Variants in DTWD2 observed in about 807,000 individuals in gnomAD.
The protein encoded by DTWD2 is DTW motif tRNA-uridine aminocarboxypropyltransferase 2.
In DTWD2, 39 loss-of-function variants were observed where a neutral mutation model predicts 31.8. The observed-to-expected ratio is 1.22, with a 90% CI of 0.95 to 1.60. DTWD2 has a LOEUF of 1.60. DTWD2 is among the 40% of genes most tolerant of loss of function. The pLI, the probability that DTWD2 is intolerant of heterozygous loss-of-function variation, is 0.00. For synonymous variants in DTWD2, 180 were observed against 142.8 expected (o/e 1.26, Z -1.86); for missense variants, 515 against 381.5 (o/e 1.35, Z -2.92).
At chr5:118,878,057 T>C (rs1418408800) in intron 4 of DTWD2, among the ~76,000 whole-genome samples, 2 of 151,724 alleles carry the variant, frequency 1.3e-5, no homozygotes, top group African/African-American at 4.8e-5. Flanking sequence ...CACAAACAAA[T>C]GGAAAAACAT....
At chr5:118,979,852 G>A (rs146837789) in intron 1 of DTWD2, among the ~76,000 whole-genome samples, 1 of 152,222 alleles carries the variant, frequency 6.6e-6, no homozygotes, top group Non-Finnish European at 1.5e-5. Flanking sequence ...CTGTCAGGAG[G>A]GCAGGGGGTG....
At chr5:118,944,125 A>G (rs1472204543) in intron 2 of DTWD2, among the ~76,000 whole-genome samples, 1 of 152,230 alleles carries the variant, frequency 6.6e-6, no homozygotes, top group Non-Finnish European at 1.5e-5. Context: ...TCTTCTATTC[A>G]TCTAAAATAA....
intron 4 of DTWD2, among the ~76,000 whole-genome samples, chr5:118,921,179 C>T (rs1467224548): frequency 1.3e-5 from 2 of 152,006 alleles, no homozygotes; most frequent in East Asian, 3.8e-4. Flanking sequence ...ACACAGCACC[C>T]TAAAACAGAA....
intron 1 of DTWD2, among the ~76,000 whole-genome samples, chr5:118,962,867 G>A (rs1754736992): frequency 6.6e-6 from 1 of 152,214 alleles, no homozygotes; most frequent in Non-Finnish European, 1.5e-5. Context: ...GCTAGAGCTT[G>A]GTTCTGTCTG....
chr5:118,866,354 T>A (rs530333644), intron 4 of DTWD2, among the ~76,000 whole-genome samples: 1 of 152,226 alleles, frequency 6.6e-6, no homozygotes, highest in East Asian at 1.9e-4. Flanking sequence ...GACAGCATAC[T>A]AGTGATTACA....
At chr5:118,973,709 C>T (rs1261510080) in intron 1 of DTWD2, 8 of 1,522,334 alleles carry the variant, frequency 5.3e-6, no homozygotes, top group East Asian at 4.6e-5. Context: ...CCTCCGCCGC[C>T]GCGGACTCCG....
At chr5:118,898,832 G>C (rs927980589) in intron 4 of DTWD2, among the ~76,000 whole-genome samples, 9 of 152,180 alleles carry the variant, frequency 5.9e-5, no homozygotes, top group African/African-American at 2.2e-4. Flanking sequence ...TTTAGTTTAA[G>C]AGGAAAAGGT....
intron 4 of DTWD2, among the ~76,000 whole-genome samples, chr5:118,918,830 A>T: frequency 6.8e-6 from 1 of 147,276 alleles, no homozygotes; most frequent in Non-Finnish European, 1.5e-5. Context: ...TCTACCAGGA[A>T]AAAAAAAAAA....
rs115423545 is a variant in DTWD2 at position 118,874,092 on chromosome 5, T to C, written c.598-25874A>G. Among the ~76,000 whole-genome samples the C allele has an allele frequency of 1.1e-3, 170 of 152,318 alleles. 1 individual carries two copies. The highest frequency in any genetic ancestry group is 3.8e-3 in the African/African-American group (160 of 41,564). Reference sequence around the variant, plus strand: ...CAGTCTAAGAGGTGGGAGTTGAGCATTGGCCCTGTAAAAACTCCCAGAAAC... The same window carrying C: ...CAGTCTAAGAGGTGGGAGTTGAGCACTGGCCCTGTAAAAACTCCCAGAAAC... On this transcript the variant is annotated intron_variant, in intron 4 of 5. Coordinates refer to ENST00000510708, the MANE Select transcript of DTWD2 (RefSeq NM_173666.4).
chr5:118,910,062 A>G (rs1167004651), intron 4 of DTWD2, among the ~76,000 whole-genome samples: 1 of 152,130 alleles, frequency 6.6e-6, no homozygotes, highest in Non-Finnish European at 1.5e-5. Context: ...CAATCTCCTT[A>G]TAACATGTGA....
intron 1 of DTWD2, among the ~76,000 whole-genome samples, chr5:118,969,664 C>T (rs1754938854): frequency 6.6e-6 from 1 of 152,036 alleles, no homozygotes; most frequent in Admixed American, 6.5e-5. Context: ...AAAGAAGATC[C>T]CACAAAAACA....
At chr5:118,891,229 G>A (rs1237465110) in intron 4 of DTWD2, among the ~76,000 whole-genome samples, 2 of 151,820 alleles carry the variant, frequency 1.3e-5, no homozygotes, top group African/African-American at 4.8e-5. Flanking sequence ...TATTAGTATG[G>A]CAATGTACTA....
chr5:118,928,914 TCAC>T (rs932394866), intron 3 of DTWD2, among the ~76,000 whole-genome samples, 185 bp from the exon 4 acceptor site: 8 of 152,326 alleles, frequency 5.3e-5, no homozygotes, highest in Middle Eastern at 6.8e-3. Context: ...ACTGATGTAT[TCAC>T]CACAATTCTG....
intron 1 of DTWD2, chr5:118,973,915 T>A (rs1159340804): frequency 1.2e-6 from 2 of 1,603,166 alleles, no homozygotes; most frequent in Non-Finnish European, 1.7e-6. Flanking sequence ...GGAATGCTAA[T>A]GAGGAAAATG....
At chr5:118,972,591 T>C (rs1049812409) in intron 1 of DTWD2, among the ~76,000 whole-genome samples, 45 of 152,084 alleles carry the variant, frequency 3.0e-4, no homozygotes, top group African/African-American at 1.1e-3. Flanking sequence ...TTCCAAACAG[T>C]TGAAAAGAAG....
intron 4 of DTWD2, among the ~76,000 whole-genome samples, chr5:118,888,158 T>C (rs535993417): frequency 5.3e-5 from 8 of 152,334 alleles, no homozygotes; most frequent in African/African-American, 1.9e-4. Context: ...TTGACATATG[T>C]ATATACCTGT....
chr5:118,858,028 C>T (rs930966438), intron 4 of DTWD2, among the ~76,000 whole-genome samples: 1 of 152,164 alleles, frequency 6.6e-6, no homozygotes, highest in African/African-American at 2.4e-5. Context: ...AGTAAACCAA[C>T]CAAGATTAGC....
chr5:118,913,410 G>T (rs1289188294), intron 4 of DTWD2, among the ~76,000 whole-genome samples: 5 of 132,378 alleles, frequency 3.8e-5, no homozygotes, highest in African/African-American at 1.4e-4. Flanking sequence ...GATATATATA[G>T]ATATATATAG....
rs918325191 is a variant in DTWD2, at chr5:118,896,549, T to C, written c.597+31988A>G. On this transcript the variant is annotated intron_variant, in intron 4 of 5. Transcript: ENST00000510708. ...TTAATAAAACCAGAGAAGGTATAGATAACATAAGCACAGAATTATTCAAAG... is the reference window on the plus strand; with the variant it reads ...TTAATAAAACCAGAGAAGGTATAGACAACATAAGCACAGAATTATTCAAAG... Among the ~76,000 whole-genome samples the C allele has an allele frequency of 2.0e-5, 3 of 151,832 alleles. No homozygotes were observed. In the East Asian group the frequency reaches 5.8e-4, roughly 29 times the overall value.
Sources: gnomAD v4.1 joint callset for allele counts (sites outside exome capture counted in the v4.1 genomes callset) on GRCh38, gnomAD v4.1.1 for gene constraint, MANE v1.5 for transcripts, NCBI Gene and HGNC (gene_info 2026-07-23, HGNC 2026-07-21) for gene names.